The following NSMAF variants were observed in gnomAD, a reference collection of about 807,000 sequenced individuals.
NSMAF encodes neutral sphingomyelinase activation associated factor.
NSMAF carries 90 observed loss-of-function variants against 134.9 expected under a neutral mutation model. The ratio of observed to expected loss-of-function variants is 0.67; its 90% CI spans 0.56 to 0.79. The LOEUF (loss-of-function observed/expected upper bound fraction) is 0.79. Among genes scored for constraint, NSMAF ranks in the 30% least tolerant of loss-of-function variants. The pLI, the probability that NSMAF is intolerant of heterozygous loss-of-function variation, is 0.00. For missense variants in NSMAF, 1,010 were observed against 1,119.0 expected, an observed-to-expected ratio of 0.90 and a Z score of 1.39; for synonymous variants, 358 against 389.6, an observed-to-expected ratio of 0.92 and a Z score of 0.96.
Position 58,589,559 on chromosome 8 carries a change from C to T in NSMAF, c.2104G>A (p.Ala702Thr). The change falls in exon 26 of 31, where the codon GCA (alanine) becomes ACA (threonine). Residue 702 changes from alanine to threonine, a missense_variant. By Grantham distance (58) the Ala-to-Thr change is moderately conservative. Coordinates refer to ENST00000038176, the MANE Select transcript of NSMAF (RefSeq NM_003580.4). ...WDNNVYFYSI[A>T]FGRRQDTLMG... ...AACGTGTCCTGGCGTCTTCCAAATG[C>T]TATGGAATAAAAATAGCTAAAAGAT... is the stretch of plus-strand genomic sequence containing the variant. 1 of 1,566,314 alleles carries T rather than the reference C, an allele frequency of 6.4e-7. No homozygotes were observed. The highest frequency in any genetic ancestry group is 8.6e-7 in the Non-Finnish European group (1 of 1,166,154).
intron 9 of NSMAF, among the ~76,000 whole-genome samples, chr8:58,615,349 T>A (rs1176540013): frequency 6.6e-6 from 1 of 152,192 alleles, no homozygotes; most frequent in Non-Finnish European, 1.5e-5. Flanking sequence ...ATACGGCACT[T>A]ATGGAATACT....
At chr8:58,587,583 G>A (rs774564094) in intron 27 of NSMAF, 35 bp downstream of exon 27, 4 of 1,587,822 alleles carry the variant, frequency 2.5e-6, no homozygotes, top group African/African-American at 1.3e-5. Context: ...GACTTTTAAG[G>A]TCAGTTTTCT....
At chr8:58,613,517 T>C (rs1317451171) in intron 9 of NSMAF, among the ~76,000 whole-genome samples, 1 of 149,604 alleles carries the variant, frequency 6.7e-6, no homozygotes, top group East Asian at 2.0e-4. Context: ...TACTGAAAAA[T>C]ACGAGAATTA....
At chr8:58,657,813 C>T (rs1008927215) in intron 1 of NSMAF, among the ~76,000 whole-genome samples, 5 of 152,210 alleles carry the variant, frequency 3.3e-5, no homozygotes, top group Admixed American at 2.0e-4. Context: ...GTTGATGCCT[C>T]CTGACTGGAT....
rs965697159 is a variant in NSMAF, at chr8:58,586,520, G to A, written c.2384C>T (p.Ala795Val). The change falls in exon 28 of 31, where the codon GCC (alanine) becomes GTC (valine). Residue 795 changes from alanine to valine, a missense_variant. Physicochemically the swap from Ala to Val is moderately conservative, Grantham distance 64. Coordinates refer to ENST00000038176, the MANE Select transcript of NSMAF (RefSeq NM_003580.4). Reference protein sequence around the residue: ...GTVNIWDLTTATLMHQIPCHS... With the variant: ...GTVNIWDLTTVTLMHQIPCHS... ...GCATGGAATCTGGTGCATTAAGGTGGCCGTTGTGAGGTCCCAAATATTCAC... is the reference window on the plus strand; with the variant it reads ...GCATGGAATCTGGTGCATTAAGGTGACCGTTGTGAGGTCCCAAATATTCAC... 4 of 1,613,580 alleles carry A rather than the reference G, an allele frequency of 2.5e-6. No individual in the cohort carries two copies. The highest frequency in any genetic ancestry group is 2.5e-6 in the Non-Finnish European group (3 of 1,180,002).
At chr8:58,593,709 C>T (rs1806070433) in intron 23 of NSMAF, among the ~76,000 whole-genome samples, 1 of 152,156 alleles carries the variant, frequency 6.6e-6, no homozygotes, top group Non-Finnish European at 1.5e-5. Context: ...AGCTATAAGT[C>T]ATATCAATGA....
At position 58,599,852 on chromosome 8, in the gene NSMAF, C is replaced by T. The variant is rs1806235281; in HGVS notation, c.1351G>A (p.Gly451Ser). The T allele has an allele frequency of 1.2e-6, 2 of 1,613,894 alleles. No individual in the cohort carries two copies. The highest frequency in any genetic ancestry group is 2.2e-5 in the South Asian group (2 of 90,994). The change falls in exon 18 of 31, where the codon GGT becomes AGT. Residue 451 changes from glycine to serine, a missense_variant. By Grantham distance (56) the Gly-to-Ser change is moderately conservative. Transcript: ENST00000038176. ...TTGACTAGAAAGCTCACATCATCAC[C>T]ATAGAATTCTGGAATTAACTGAAAG... ...DFKELIPEFY[G>S]DDVSFLVNSL...
intron 18 of NSMAF, 146 bp from the exon 19 acceptor site, chr8:58,599,509 A>C (rs1256155578): frequency 1.4e-5 from 15 of 1,052,636 alleles, no homozygotes; most frequent in African/African-American, 1.1e-4. Context: ...ATCATATGAA[A>C]TGTAAGTTTT....
chr8:58,597,793 C>G (rs1405810864), intron 20 of NSMAF, 67 bp downstream of exon 20: 1 of 1,155,058 alleles, frequency 8.7e-7, no homozygotes, highest in Admixed American at 2.0e-5. Flanking sequence ...CAAATAAATA[C>G]ATTAATAATT....
intron 9 of NSMAF, among the ~76,000 whole-genome samples, chr8:58,620,447 T>C (rs889770386): frequency 1.3e-5 from 2 of 152,164 alleles, no homozygotes; most frequent in African/African-American, 2.4e-5. Context: ...CTAAGAGTCT[T>C]GGGGCCATGT....
chr8:58,618,224 C>T (rs1015577195), intron 9 of NSMAF, among the ~76,000 whole-genome samples: 10 of 151,898 alleles, frequency 6.6e-5, no homozygotes, highest in Non-Finnish European at 1.0e-4. Context: ...GATGAGTTGA[C>T]GGGTGCAGCA....
At position 58,631,511 on chromosome 8, in the gene NSMAF, T is replaced by C. The variant is rs1790801789; in HGVS notation, c.369A>G (p.Pro123=). 9 of 1,510,700 alleles carry C rather than the reference T, an allele frequency of 6.0e-6. No homozygotes were observed. Among genetic ancestry groups the C allele is most frequent in the Admixed American group, 2.2e-5 (1 of 45,936 alleles). The allele number at this position is 1,510,700 out of a possible 1,614,324, so 93.6% of individuals were successfully genotyped here. Residue 123 remains proline, a synonymous_variant, in exon 6 of 31, where the codon CCA becomes CCG. Transcript: ENST00000038176. The part of the protein sequence containing the change: ...YFIKEHNVVA[P]YKIERGKMEY... ...CTTTACTTACCCTTTCTATTTTATA[T>C]GGTGCAACAACATTATGTTCTTTAA...
chr8:58,599,532 G>A, intron 18 of NSMAF, 169 bp from the exon 19 acceptor site: 1 of 941,358 alleles, frequency 1.1e-6, no homozygotes, highest in Non-Finnish European at 1.5e-6. Flanking sequence ...GGGGAAAAAA[G>A]TGGCAAGAAT....
At chr8:58,658,287 T>C (rs1169511196) in intron 1 of NSMAF, among the ~76,000 whole-genome samples, 1 of 152,226 alleles carries the variant, frequency 6.6e-6, no homozygotes. Context: ...AGTTACATAG[T>C]TAGGGCTCAG....
chr8:58,622,489 G>A (rs879299130), intron 9 of NSMAF, among the ~76,000 whole-genome samples: 2 of 151,990 alleles, frequency 1.3e-5, no homozygotes, highest in African/African-American at 4.8e-5. Flanking sequence ...CGCTTCCCAG[G>A]TTCAAGCGAT....
In NSMAF at chr8:58,586,488, C is replaced by G; in HGVS notation, c.2416G>C (p.Gly806Arg). 1.2e-6 allele frequency: 2 copies of G among 1,610,084 alleles called. No homozygotes were observed. The change falls in exon 28 of 31, where the codon GGG becomes CGG. Residue 806 changes from glycine to arginine, a missense_variant. Physicochemically the swap from Gly to Arg is moderately radical, Grantham distance 125. Coordinates refer to ENST00000038176, the MANE Select transcript of NSMAF (RefSeq NM_003580.4). ...CTAAAAGCAGTGTCACATACAATCCCTGAATGGCATGGAATCTGGTGCATT... is the reference window on the plus strand; with the variant it reads ...CTAAAAGCAGTGTCACATACAATCCGTGAATGGCATGGAATCTGGTGCATT... ...TLMHQIPCHS[G>R]IVCDTAFSPD...
At chr8:58,614,176 G>C (rs544280771) in intron 9 of NSMAF, among the ~76,000 whole-genome samples, 1 of 152,274 alleles carries the variant, frequency 6.6e-6, no homozygotes, top group South Asian at 2.1e-4. Flanking sequence ...AAAAGAAAGA[G>C]AAATAAGTTT....
At chr8:58,657,883 G>A (rs932131207) in intron 1 of NSMAF, among the ~76,000 whole-genome samples, 1 of 152,168 alleles carries the variant, frequency 6.6e-6, no homozygotes, top group Non-Finnish European at 1.5e-5. Flanking sequence ...AGCCTATCAC[G>A]TTGTTGTCTA....
chr8:58,657,550 A>C (rs1031726706), intron 1 of NSMAF, among the ~76,000 whole-genome samples: 1 of 152,234 alleles, frequency 6.6e-6, no homozygotes, highest in African/African-American at 2.4e-5. Context: ...AGTTGCCTTA[A>C]AATATTCCTC....
Sources: gnomAD v4.1 joint callset for allele counts (sites outside exome capture counted in the v4.1 genomes callset) on GRCh38, gnomAD v4.1.1 for gene constraint, MANE v1.5 for transcripts, NCBI Gene and HGNC (gene_info 2026-07-23, HGNC 2026-07-21) for gene names.